NBEAL1: variants seen among roughly 807,000 people sequenced by gnomAD.
NBEAL1 encodes neurobeachin like 1.
NBEAL1 carries 273 observed loss-of-function variants against 351.3 expected under a neutral mutation model. The ratio of observed to expected loss-of-function variants is 0.78; its 90% CI spans 0.70 to 0.86. The LOEUF is 0.86. Ranked by LOEUF, NBEAL1 falls within the 40% of genes least tolerant of loss-of-function variation. The pLI is 0.00. For missense variants in NBEAL1, 2,961 were observed against 3,201.3 expected, an observed-to-expected ratio of 0.92 and a Z score of 1.81; for synonymous variants, 1,050 against 1,086.4, an observed-to-expected ratio of 0.97 and a Z score of 0.66.
intron 10 of NBEAL1, chr2:203,086,151 A>T (rs2106172628): frequency 6.6e-6 from 1 of 152,324 alleles, no homozygotes; most frequent in South Asian, 2.1e-4. Context: ...AACAATTTTG[A>T]TGCCAAAATA....
chr2:203,114,608 G>T (rs969826061), intron 17 of NBEAL1, among the ~76,000 whole-genome samples: 1 of 152,124 alleles, frequency 6.6e-6, no homozygotes, highest in Non-Finnish European at 1.5e-5. Context: ...CAGGAGTTAA[G>T]CTTTTAAGAG....
intron 49 of NBEAL1, 80 bp downstream of exon 49, chr2:203,199,527 T>A: frequency 1.4e-6 from 1 of 698,730 alleles, no homozygotes; most frequent in Non-Finnish European, 2.4e-6. Flanking sequence ...AATTGATTCA[T>A]TTATTCTGAA....
At chr2:203,192,951 T>TTTC (rs2065133553) in intron 46 of NBEAL1, among the ~76,000 whole-genome samples, 1 of 122,700 alleles carries the variant, frequency 8.1e-6, no homozygotes, top group Non-Finnish European at 1.7e-5. Context: ...TATTGACTTT[T>TTTC]TTTCTTTCTT....
At chr2:203,198,384 T>C (rs1384497869) in intron 48 of NBEAL1, among the ~76,000 whole-genome samples, 1 of 152,100 alleles carries the variant, frequency 6.6e-6, no homozygotes, top group Non-Finnish European at 1.5e-5. Context: ...GAGAACTTAC[T>C]ATGACTGTCA....
At chr2:203,068,352 GC>G in intron 6 of NBEAL1, 40 bp from the exon 7 acceptor site, 1 of 969,334 alleles carries the variant, frequency 1.0e-6, no homozygotes, top group South Asian at 1.9e-5. Context: ...GTGTCTGCTT[GC>G]CCATGTTGTA....
At chr2:203,033,378 A>G (rs1348361464) in intron 2 of NBEAL1, among the ~76,000 whole-genome samples, 2 of 152,234 alleles carry the variant, frequency 1.3e-5, no homozygotes, top group Admixed American at 1.3e-4. Flanking sequence ...TACATATATC[A>G]GAAAGTTGGC....
At chr2:203,151,847 C>T (rs1235793619) in intron 35 of NBEAL1, among the ~76,000 whole-genome samples, 3 of 152,088 alleles carry the variant, frequency 2.0e-5, no homozygotes, top group Non-Finnish European at 4.4e-5. Flanking sequence ...TTCATATCAA[C>T]TGTTATGTCT....
chr2:203,049,897 A>G lies in NBEAL1; in HGVS notation c.227A>G (p.Gln76Arg), dbSNP rs755702795. 1.3e-6 allele frequency: 2 copies of G among 1,557,056 alleles called. No individual in the cohort carries two copies. Among genetic ancestry groups the G allele is most frequent in the East Asian group, 4.7e-5 (2 of 42,682 alleles). Residue 76 changes from glutamine to arginine, a missense_variant, in exon 4 of 56, where the codon CAG (glutamine) becomes CGG (arginine). Coordinates refer to ENST00000683969, the MANE Select transcript of NBEAL1 (RefSeq NM_001378026.1). Reference sequence around the variant, plus strand: ...AGGATCCAGCTTCTACAGTGTGTTCAGAAAATGGCAGATGGGTTAGAGGAA... The same window carrying G: ...AGGATCCAGCTTCTACAGTGTGTTCGGAAAATGGCAGATGGGTTAGAGGAA... ...VLRIQLLQCV[Q>R]KMADGLEEQQ...
intron 2 of NBEAL1, among the ~76,000 whole-genome samples, chr2:203,020,117 T>C (rs1191727664): frequency 1.3e-5 from 2 of 152,186 alleles, no homozygotes; most frequent in Non-Finnish European, 1.5e-5. Context: ...TCAGGCTAAT[T>C]AACATATCTG....
chr2:203,083,103 T>G (rs1173228120), intron 8 of NBEAL1, 116 bp from the exon 9 acceptor site: 1 of 885,456 alleles, frequency 1.1e-6, no homozygotes, highest in Non-Finnish European at 1.7e-6. Flanking sequence ...TGTTACAAAT[T>G]TTTATGTCTT....
intron 34 of NBEAL1, among the ~76,000 whole-genome samples, chr2:203,150,884 A>T (rs2063633404): frequency 6.6e-6 from 1 of 152,172 alleles, no homozygotes; most frequent in South Asian, 2.1e-4. Context: ...TTCAAATCTT[A>T]TTTCTGCTAC....
At position 203,208,766 on chromosome 2, in the gene NBEAL1, C is replaced by T. The variant is rs777005345; in HGVS notation, c.7623+13C>T. ...GTCAGGATCAAGGGTAAGATTTCAC[C>T]TTTAAGAAATACTATTTATTTTGTC... On this transcript the variant is annotated intron_variant, in intron 52 of 55. Transcript: ENST00000683969. 6.5e-7 allele frequency: 1 copy of T among 1,536,734 alleles called. No homozygotes were observed. Among genetic ancestry groups the T allele is most frequent in the Non-Finnish European group, 8.8e-7 (1 of 1,134,342 alleles).
At chr2:203,202,632 A>T in intron 50 of NBEAL1, 55 bp from the exon 51 acceptor site, 1 of 987,136 alleles carries the variant, frequency 1.0e-6, no homozygotes, top group African/African-American at 1.6e-5. Flanking sequence ...TTGCTCTTAA[A>T]GTTCTATTTT....
At chr2:203,213,878 A>T (rs2065854439) in intron 55 of NBEAL1, 2 of 682,906 alleles carry the variant, frequency 2.9e-6, no homozygotes, top group African/African-American at 3.9e-5. Context: ...ACCACTCTAT[A>T]GGAATAAGAC....
At position 203,180,454 on chromosome 2, in the gene NBEAL1, T is replaced by C. The variant is rs772337766; in HGVS notation, c.6537T>C (p.Asp2179=). ...TWQALMDNPY[D]VKELIPEFFY... ...AAGCTCTTATGGATAATCCATATGA[T>C]GTTAAAGAACTTATTCCTGAATTCT... Residue 2179 remains aspartate (D), a synonymous_variant, in exon 43 of 56, where the codon GAT becomes GAC. Coordinates refer to ENST00000683969, the MANE Select transcript of NBEAL1 (RefSeq NM_001378026.1). 21 of 1,611,532 alleles carry C rather than the reference T, an allele frequency of 1.3e-5. No individual in the cohort carries two copies. The Admixed American group carries it at 3.2e-4, about 24-fold the overall frequency.
At chr2:203,073,697 A>G (rs1205599526) in intron 7 of NBEAL1, among the ~76,000 whole-genome samples, 1 of 152,062 alleles carries the variant, frequency 6.6e-6, no homozygotes, top group Admixed American at 6.5e-5. Flanking sequence ...TTTTGATTTC[A>G]TTGATTTTCC....
chr2:203,064,432 T>C (rs2061548859), intron 6 of NBEAL1, among the ~76,000 whole-genome samples: 1 of 152,202 alleles, frequency 6.6e-6, no homozygotes, highest in Admixed American at 6.5e-5. Context: ...TGGACAGTAC[T>C]GGGCCAAATA....
At chr2:203,216,602 A>T (rs1423930194) in intron 55 of NBEAL1, among the ~76,000 whole-genome samples, 4 of 152,154 alleles carry the variant, frequency 2.6e-5, no homozygotes, top group East Asian at 1.9e-4. Context: ...TTAATTAAAA[A>T]TTTTAAAAAA....
At chr2:203,141,960 G>A (rs1397552229) in intron 31 of NBEAL1, among the ~76,000 whole-genome samples, 1 of 152,126 alleles carries the variant, frequency 6.6e-6, no homozygotes, top group Non-Finnish European at 1.5e-5. Flanking sequence ...AAATAGGACT[G>A]CATGGTTGTT....
Sources: gnomAD v4.1 joint callset for allele counts (sites outside exome capture counted in the v4.1 genomes callset) on GRCh38, gnomAD v4.1.1 for gene constraint, MANE v1.5 for transcripts, NCBI Gene and HGNC (gene_info 2026-07-23, HGNC 2026-07-21) for gene names.